The following ZNF385D variants were observed in gnomAD, a reference collection of about 807,000 sequenced individuals.
The protein encoded by ZNF385D is zinc finger protein 659.
In ZNF385D, 15 loss-of-function variants were observed where a neutral mutation model predicts 35.8. The observed-to-expected ratio is 0.42, with a 90% CI of 0.28 to 0.64. ZNF385D has a LOEUF of 0.64. ZNF385D is among the 30% of genes least tolerant of loss of function. ZNF385D has a pLI of 0.23. For synonymous variants in ZNF385D, 212 were observed against 186.8 expected, an observed-to-expected ratio of 1.13 and a Z score of -1.10; for missense variants, 474 against 494.6, an observed-to-expected ratio of 0.96 and a Z score of 0.39.
At chr3:21,908,496 G>C (rs1210515725) in intron 3 of ZNF385D, among the ~76,000 whole-genome samples, 1 of 152,052 alleles carries the variant, frequency 6.6e-6, no homozygotes, top group African/African-American at 2.4e-5. Flanking sequence ...ACCTTGTAGA[G>C]GGGGAGGCAG....
At chr3:21,961,700 T>C (rs552738542) in intron 3 of ZNF385D, among the ~76,000 whole-genome samples, 4 of 152,218 alleles carry the variant, frequency 2.6e-5, no homozygotes, top group East Asian at 1.9e-4. Flanking sequence ...AGTGAATGGA[T>C]TGCATCCATA....
chr3:22,288,757 A>T (rs1702149447), intron 2 of ZNF385D, among the ~76,000 whole-genome samples: 1 of 151,992 alleles, frequency 6.6e-6, no homozygotes, highest in African/African-American at 2.4e-5. Context: ...TTTCATTTGG[A>T]ACATATTTCC....
chr3:21,964,907 C>T (rs775767477), intron 3 of ZNF385D, among the ~76,000 whole-genome samples: 5 of 152,132 alleles, frequency 3.3e-5, no homozygotes, highest in Non-Finnish European at 7.3e-5. Flanking sequence ...GAAATATCCT[C>T]AGAAGCTACT....
intron 3 of ZNF385D, among the ~76,000 whole-genome samples, chr3:21,948,345 T>G (rs993845600): frequency 1.3e-5 from 2 of 151,894 alleles, no homozygotes; most frequent in African/African-American, 4.9e-5. Context: ...TAAAACATTC[T>G]GAACCCAGAA....
chr3:21,627,912 G>C (rs899676682), intron 2 of ZNF385D, among the ~76,000 whole-genome samples: 1 of 152,094 alleles, frequency 6.6e-6, no homozygotes, highest in East Asian at 1.9e-4. Context: ...ATCTTATCTA[G>C]AGTTTATCTT....
At chr3:21,837,351 C>T (rs926185113) in intron 3 of ZNF385D, among the ~76,000 whole-genome samples, 6 of 151,996 alleles carry the variant, frequency 3.9e-5, no homozygotes, top group South Asian at 2.1e-4. Flanking sequence ...GCTAATCTGG[C>T]CTGTGTTTTC....
chr3:22,058,752 G>A (rs1699543231), intron 3 of ZNF385D, among the ~76,000 whole-genome samples: 1 of 152,000 alleles, frequency 6.6e-6, no homozygotes, highest in African/African-American at 2.4e-5. Context: ...AAATTTATAT[G>A]TTAACTTTTG....
chr3:22,240,119 G>A (rs1473522279), intron 2 of ZNF385D, among the ~76,000 whole-genome samples: 1 of 144,540 alleles, frequency 6.9e-6, no homozygotes, highest in Non-Finnish European at 1.5e-5. Context: ...GGAGGTCAAG[G>A]CTGCAGTGAG....
intron 2 of ZNF385D, among the ~76,000 whole-genome samples, chr3:22,332,519 G>C (rs1430306033): frequency 3.3e-5 from 5 of 152,008 alleles, no homozygotes; most frequent in African/African-American, 4.8e-5. Flanking sequence ...AATATAAACA[G>C]GTTTGTATTA....
intron 3 of ZNF385D, among the ~76,000 whole-genome samples, chr3:21,972,784 G>C (rs952246098): frequency 6.6e-6 from 1 of 151,774 alleles, no homozygotes; most frequent in Admixed American, 6.6e-5. Context: ...ATGACTAGAG[G>C]CTACTCTGAG....
chr3:21,907,723 T>G (rs550866062), intron 3 of ZNF385D, among the ~76,000 whole-genome samples: 1 of 152,088 alleles, frequency 6.6e-6, no homozygotes, highest in Non-Finnish European at 1.5e-5. Flanking sequence ...CAATATTCAG[T>G]ATTATTATTT....
At chr3:21,803,101 G>A (rs1257390686) in intron 3 of ZNF385D, among the ~76,000 whole-genome samples, 1 of 152,158 alleles carries the variant, frequency 6.6e-6, no homozygotes, top group Non-Finnish European at 1.5e-5. Context: ...CCCGCCACCT[G>A]ACACCCAGGG....
chr3:22,012,468 A>T (rs1249258154), intron 3 of ZNF385D, among the ~76,000 whole-genome samples: 1 of 151,950 alleles, frequency 6.6e-6, no homozygotes, highest in Non-Finnish European at 1.5e-5. Flanking sequence ...TCCCTCTGTA[A>T]CTCCCCTCTG....
At chr3:21,492,503 C>T (rs1211879516) in intron 4 of ZNF385D, among the ~76,000 whole-genome samples, 1 of 150,772 alleles carries the variant, frequency 6.6e-6, no homozygotes, top group Non-Finnish European at 1.5e-5. Flanking sequence ...AAAAAAATGG[C>T]CGGGCATGGT....
intron 3 of ZNF385D, among the ~76,000 whole-genome samples, chr3:21,916,210 A>C (rs1700186007): frequency 1.3e-5 from 2 of 152,172 alleles, no homozygotes; most frequent in South Asian, 4.1e-4. Flanking sequence ...TATATAATTA[A>C]AATAAAGAGA....
intron 3 of ZNF385D, among the ~76,000 whole-genome samples, chr3:21,992,034 A>C (rs1028908955): frequency 5.9e-5 from 9 of 152,200 alleles, no homozygotes; most frequent in African/African-American, 2.2e-4. Context: ...CATCTCTGGA[A>C]TGAGAATAAC....
intron 3 of ZNF385D, among the ~76,000 whole-genome samples, chr3:21,948,594 A>G (rs1009074739): frequency 6.6e-6 from 1 of 152,134 alleles, no homozygotes. Flanking sequence ...CCAGATTTCT[A>G]TATACTGAAT....
At position 21,665,009 on chromosome 3, in the gene ZNF385D, A is replaced by C; in HGVS notation, c.42T>G (p.Pro14=). The change falls in exon 2 of 8, where the codon CCT becomes CCG. Residue 14 remains proline (P), a synonymous_variant. Coordinates refer to ENST00000281523, the MANE Select transcript of ZNF385D (RefSeq NM_024697.3). ...IMYFGGTCQS[P]ALPALVRPPA... ...GTGGACGGACAAGGGCCGGGAGAGCAGGACTCTGGCATGTACCACCTGTGA... is the reference window on the plus strand; with the variant it reads ...GTGGACGGACAAGGGCCGGGAGAGCCGGACTCTGGCATGTACCACCTGTGA... 1 of 1,612,156 alleles carries C rather than the reference A, an allele frequency of 6.2e-7. No homozygotes were observed. Among genetic ancestry groups the C allele is most frequent in the Non-Finnish European group, 8.5e-7 (1 of 1,178,972 alleles).
At chr3:21,857,214 A>G (rs1696768448) in intron 3 of ZNF385D, among the ~76,000 whole-genome samples, 2 of 152,112 alleles carry the variant, frequency 1.3e-5, no homozygotes, top group Admixed American at 1.3e-4. Flanking sequence ...GGCACCAACA[A>G]CAAAGTTAGT....
Sources: allele counts gnomAD v4.1 joint callset (sites outside exome capture counted in the v4.1 genomes callset), GRCh38; gene constraint gnomAD v4.1.1; transcripts MANE v1.5; gene names NCBI Gene and HGNC (gene_info 2026-07-23, HGNC 2026-07-21).